MRPS22: variants seen among roughly 807,000 people sequenced by gnomAD.
MRPS22 encodes the protein mitochondrial ribosomal protein S22, also known as small ribosomal subunit protein mS22.
In MRPS22, 30 loss-of-function variants were observed where a neutral mutation model predicts 44.0. The observed-to-expected ratio is 0.68, with a 90% CI of 0.51 to 0.93. The LOEUF is 0.93. Ranked by LOEUF, MRPS22 falls within the 40% of genes least tolerant of loss-of-function variation. MRPS22 has a pLI of 0.00. For missense variants in MRPS22, 447 were observed against 447.8 expected (o/e 1.00, Z 0.02); for synonymous variants, 165 against 154.4 (o/e 1.07, Z -0.51).
intron 6 of MRPS22, among the ~76,000 whole-genome samples, chr3:139,355,190 T>G (rs1325940224): frequency 3.3e-5 from 5 of 152,132 alleles, no homozygotes; most frequent in Admixed American, 6.5e-5. Flanking sequence ...TTAGGGGGCC[T>G]CTTGTAGAGG....
At chr3:139,348,351 A>ATC (rs1941086492) in intron 3 of MRPS22, 27 bp downstream of exon 3, 1 of 1,609,158 alleles carries the variant, frequency 6.2e-7, no homozygotes, top group Non-Finnish European at 8.5e-7. Flanking sequence ...TCGCAAAATG[A>ATC]TCTTTCTTTG....
At chr3:139,344,967 C>T (rs1452109876) in intron 1 of MRPS22, among the ~76,000 whole-genome samples, 1 of 152,072 alleles carries the variant, frequency 6.6e-6, no homozygotes, top group African/African-American at 2.4e-5. Flanking sequence ...CTTTAAGAGT[C>T]AACTGTTTAG....
intron 1 of MRPS22, among the ~76,000 whole-genome samples, chr3:139,346,281 G>C (rs1486225830): frequency 1.3e-5 from 2 of 152,038 alleles, no homozygotes; most frequent in African/African-American, 4.8e-5. Context: ...CCCTAGTCCA[G>C]GCTATGCTTA....
chr3:139,351,252 G>A lies in MRPS22; in HGVS notation c.732+192G>A, dbSNP rs77702261. 906 of 586,392 alleles carry A rather than the reference G, an allele frequency of 1.5e-3. 13 individuals are homozygous for A. In the East Asian group the frequency reaches 0.027, roughly 17 times the overall value. The allele number at this position is 586,392 out of a possible 1,614,324, so 36.3% of individuals were successfully genotyped here. ...ACAACAACCCTTGATTAAAGATGAG[G>A]GAATTTAAGCTTGTAGAATTAAGTA... On this transcript the variant is annotated intron_variant, in intron 5 of 7. Transcript: ENST00000680020.
At chr3:139,344,742 A>C (rs1422125408) in intron 1 of MRPS22, 1 of 693,402 alleles carries the variant, frequency 1.4e-6, no homozygotes, top group African/African-American at 1.8e-5. Flanking sequence ...GGCTTGATTA[A>C]GGCTTTGGAT....
intron 1 of MRPS22, 27 bp downstream of exon 1, chr3:139,344,225 G>T (rs1359659665): frequency 6.3e-7 from 1 of 1,581,508 alleles, no homozygotes. Context: ...ACTTTCGCTG[G>T]GGCGTTCTTC....
At chr3:139,356,882 T>G (rs769760912) in intron 7 of MRPS22, 37 bp from the exon 8 acceptor site, 31 of 1,438,252 alleles carry the variant, frequency 2.2e-5, no homozygotes, top group African/African-American at 2.8e-5. Context: ...ATAGCATATG[T>G]CCTATTGTTT....
intron 6 of MRPS22, among the ~76,000 whole-genome samples, chr3:139,353,482 G>A (rs910796148): frequency 6.6e-6 from 1 of 152,134 alleles, no homozygotes; most frequent in African/African-American, 2.4e-5. Context: ...AGCCCTTGCT[G>A]GACTCAAGTC....
intron 1 of MRPS22, among the ~76,000 whole-genome samples, chr3:139,345,810 G>C (rs1941030534): frequency 6.6e-6 from 1 of 152,126 alleles, no homozygotes; most frequent in East Asian, 1.9e-4. Context: ...AAGTACATGA[G>C]AGAGGTTGAG....
chr3:139,348,196 T>C lies in MRPS22; in HGVS notation c.376T>C (p.Leu126=). 6.2e-7 allele frequency: 1 copy of C among 1,614,176 alleles called. No homozygotes were observed. The highest frequency in any genetic ancestry group is 8.5e-7 in the Non-Finnish European group (1 of 1,180,018). ...RQAVEAAKVR[L]KMPPVLEERV... is the part of the protein sequence containing the mutation. ...GGCAGTTGAGGCAGCTAAAGTACGA[T>C]TAAAAATGCCACCAGTTCTGGAAGA... The change falls in exon 3 of 8, where the codon TTA becomes CTA. Residue 126 remains leucine (L), a synonymous_variant. Coordinates refer to ENST00000680020, the MANE Select transcript of MRPS22 (RefSeq NM_020191.4).
rs1184659643 is a variant in MRPS22 at position 139,348,161 on chromosome 3, C to G, written c.341C>G (p.Ala114Gly). 1.2e-5 allele frequency: 20 copies of G among 1,613,920 alleles called. No individual in the cohort carries two copies. Among genetic ancestry groups the G allele is most frequent in the Non-Finnish European group, 1.7e-5 (20 of 1,179,956 alleles). ...TTAATAAATATTTTCTTTCATTAGG[C>G]TACAAGACAGGCAGTTGAGGCAGCT... ...KLMTQAQLEE[A>G]TRQAVEAAKV... Residue 114 changes from alanine (A) to glycine (G), a missense_variant and splice_region_variant, in exon 3 of 8, where the codon GCT becomes GGT. Coordinates refer to ENST00000680020, the MANE Select transcript of MRPS22 (RefSeq NM_020191.4).
At chr3:139,347,115 C>G (rs1330801505) in intron 2 of MRPS22, 71 bp downstream of exon 2, 23 of 1,516,092 alleles carry the variant, frequency 1.5e-5, no homozygotes, top group Non-Finnish European at 2.0e-5. Context: ...AGAGGCCCCT[C>G]CAGATGCTTA....
In MRPS22 at chr3:139,345,602, GTTA is replaced by G. The variant is rs769203813; in HGVS notation, c.173-1269_173-1267del. 3.3e-5 allele frequency among the ~76,000 whole-genome samples: 5 copies of G among 152,188 alleles called. No individual in the cohort carries two copies. In the East Asian group the frequency reaches 7.7e-4, roughly 23 times the overall value. On this transcript the variant is annotated intron_variant, in intron 1 of 7. Transcript: ENST00000680020. ...ATAAATGGTAGCTCTTATAATTACT[GTTA>G]TTATTACTACAGCTATTTGATTACT...
rs138826250 is a variant in MRPS22 at position 139,344,356 on chromosome 3, C to T, written c.172+158C>T. 1.1e-3 allele frequency among the ~76,000 whole-genome samples: 169 copies of T among 152,372 alleles called. 2 individuals are homozygous for T. Among genetic ancestry groups the T allele is most frequent in the African/African-American group, 3.9e-3 (162 of 41,588 alleles). On this transcript the variant is annotated intron_variant, in intron 1 of 7. Transcript: ENST00000680020. ...CTGTACCTGTAGAGTTTGTCATCAC[C>T]TGCATATCTGTTCATTCGTTCACTC...
chr3:139,350,692 T>A, intron 4 of MRPS22: 1 of 450,596 alleles, frequency 2.2e-6, no homozygotes. Flanking sequence ...GCAATCCGAC[T>A]CCCAAAGTGC....
At chr3:139,354,129 C>T (rs998144542) in intron 6 of MRPS22, among the ~76,000 whole-genome samples, 1 of 152,180 alleles carries the variant, frequency 6.6e-6, no homozygotes, top group Non-Finnish European at 1.5e-5. Context: ...GAAGAGTGAG[C>T]TTACTGCAAA....
chr3:139,347,107 A>C (rs1354770558), intron 2 of MRPS22, 63 bp downstream of exon 2: 43 of 1,552,850 alleles, frequency 2.8e-5, no homozygotes, highest in Non-Finnish European at 2.7e-5. Flanking sequence ...ACATTTCTAG[A>C]GGCCCCTCCA....
intron 5 of MRPS22, 94 bp from the exon 6 acceptor site, chr3:139,352,553 G>A: frequency 8.8e-7 from 1 of 1,138,220 alleles, no homozygotes; most frequent in African/African-American, 1.5e-5. Context: ...GGTTTTACTT[G>A]CTTGGGCAGC....
intron 6 of MRPS22, among the ~76,000 whole-genome samples, chr3:139,353,929 T>A (rs1481722978): frequency 1.3e-5 from 2 of 152,210 alleles, no homozygotes; most frequent in Non-Finnish European, 2.9e-5. Flanking sequence ...TACAAAAAAT[T>A]AGAGCAACGC....
Sources: allele counts gnomAD v4.1 joint callset (sites outside exome capture counted in the v4.1 genomes callset), GRCh38; gene constraint gnomAD v4.1.1; transcripts MANE v1.5; gene names NCBI Gene and HGNC (gene_info 2026-07-23, HGNC 2026-07-21).